Variants in UBR2 observed in about 807,000 individuals in gnomAD.
UBR2 encodes the protein ubiquitin protein ligase E3 component n-recognin 2, also known as E3 ubiquitin-protein ligase UBR2.
UBR2 carries 92 observed loss-of-function variants against 247.9 expected under a neutral mutation model. The observed-to-expected ratio is 0.37, with a 90% CI of 0.31 to 0.44. The LOEUF (loss-of-function observed/expected upper bound fraction) is 0.44. UBR2 is among the 20% of genes least tolerant of loss of function. The pLI is 1.00. For missense variants in UBR2, 1,613 were observed against 2,112.6 expected (o/e 0.76, Z 4.64); for synonymous variants, 672 against 693.5 (o/e 0.97, Z 0.49).
rs377113438 is a variant in UBR2 at position 42,640,449 on chromosome 6, T to TAG, written c.1920+191_1920+192dup. 4.3e-3 allele frequency among the ~76,000 whole-genome samples: 640 copies of TAG among 148,156 alleles called. 3 individuals carry two copies. Among genetic ancestry groups the TAG allele is most frequent in the African/African-American group, 0.013 (531 of 39,904 alleles). ...GTGTGTGTGTGTATAGATACATATA[T>TAG]AGAGAGAGAGAGACAGAGATTTGTT... On this transcript the variant is annotated intron_variant, in intron 16 of 46. Coordinates refer to ENST00000372901, the MANE Select transcript of UBR2 (RefSeq NM_001363705.2).
intron 2 of UBR2, among the ~76,000 whole-genome samples, chr6:42,581,003 ATTTTTT>A (rs58396471): frequency 1.6e-5 from 1 of 62,600 alleles, no homozygotes; most frequent in African/African-American, 7.7e-5. Context: ...TGGTTCTAGA[ATTTTTT>A]TTTTTTTTTT....
chr6:42,658,769 C>T lies in UBR2; in HGVS notation c.3187C>T (p.Leu1063Phe), dbSNP rs1438435160. ...QRHFIDENKE[L>F]FQQTLELDAS... The stretch of plus-strand genomic sequence containing the variant: ...GCATTTTATTGATGAAAACAAAGAA[C>T]TCTTTCAGCAGACATTAGAACTGGA... Residue 1063 changes from leucine (L) to phenylalanine (F), a missense_variant, in exon 29 of 47, where the codon CTC becomes TTC. Transcript: ENST00000372901. The T allele has an allele frequency of 1.2e-6, 2 of 1,609,894 alleles. No individual in the cohort carries two copies. The highest frequency in any genetic ancestry group is 1.7e-6 in the Non-Finnish European group (2 of 1,179,126).
chr6:42,589,359 C>A (rs1792508411), intron 2 of UBR2, among the ~76,000 whole-genome samples: 1 of 152,192 alleles, frequency 6.6e-6, no homozygotes, highest in Non-Finnish European at 1.5e-5. Context: ...GCCTAGCATA[C>A]ATGGGATAAA....
At chr6:42,565,201 A>G (rs1790707815) in intron 1 of UBR2, among the ~76,000 whole-genome samples, 1 of 152,238 alleles carries the variant, frequency 6.6e-6, no homozygotes, top group South Asian at 2.1e-4. Context: ...CTATTGCATT[A>G]AAACTGTAAT....
intron 40 of UBR2, 124 bp downstream of exon 40, chr6:42,676,997 C>T (rs754898850): frequency 7.8e-5 from 59 of 757,558 alleles, no homozygotes; most frequent in Admixed American, 1.1e-4. Context: ...TAAAATAAGA[C>T]GTGGAGTGAT....
At chr6:42,578,142 A>T (rs1329225446) in intron 2 of UBR2, among the ~76,000 whole-genome samples, 1 of 152,180 alleles carries the variant, frequency 6.6e-6, no homozygotes, top group African/African-American at 2.4e-5. Flanking sequence ...AATCCCAAAG[A>T]CTTTATGTAC....
chr6:42,570,834 C>T (rs946100591), intron 1 of UBR2, among the ~76,000 whole-genome samples: 2 of 151,880 alleles, frequency 1.3e-5, no homozygotes, highest in African/African-American at 2.4e-5. Context: ...CAGGCATGCA[C>T]CACCATGCCC....
intron 2 of UBR2, among the ~76,000 whole-genome samples, chr6:42,581,584 A>G (rs1252621354): frequency 6.6e-5 from 10 of 152,280 alleles, no homozygotes; most frequent in South Asian, 2.1e-4. Context: ...CCCTAAGCCT[A>G]CCAAAGTGTT....
chr6:42,651,783 G>A (rs532486930), intron 23 of UBR2, among the ~76,000 whole-genome samples: 4 of 151,452 alleles, frequency 2.6e-5, no homozygotes, highest in Non-Finnish European at 2.9e-5. Flanking sequence ...GAGCTGCCAC[G>A]CCCCGGCCTC....
chr6:42,581,655 G>T (rs550034900), intron 2 of UBR2, among the ~76,000 whole-genome samples: 1 of 152,296 alleles, frequency 6.6e-6, no homozygotes, highest in East Asian at 1.9e-4. Context: ...AAATGAAATT[G>T]TAGTCCTTTT....
At chr6:42,611,564 T>G (rs1299225019) in intron 7 of UBR2, among the ~76,000 whole-genome samples, 1 of 151,960 alleles carries the variant, frequency 6.6e-6, no homozygotes, top group Non-Finnish European at 1.5e-5. Flanking sequence ...CTAAAACATT[T>G]AAATCATTTA....
chr6:42,678,665 T>G lies in UBR2; in HGVS notation c.4605T>G (p.Ile1535Met), dbSNP rs371996907. Residue 1535 changes from isoleucine to methionine, a missense_variant, in exon 41 of 47, where the codon ATT becomes ATG. Physicochemically the swap from Ile to Met is conservative, Grantham distance 10. Around this residue, in one of 3 missense-constraint regions of UBR2, gnomAD observed 1,524 missense variants for 1,967.3 expected, o/e 0.77. Transcript: ENST00000372901. ...ATGGAGTTCCTTCCCCACCCGACAT[T>G]CAAGGTAATTTATACTTTCTTTCAA... The part of the protein sequence containing the change: ...YLNGVPSPPD[I>M]QVPGTSHFEH... The G allele has an allele frequency of 6.2e-7, 1 of 1,610,628 alleles. No individual in the cohort carries two copies. The highest frequency in any genetic ancestry group is 1.3e-5 in the African/African-American group (1 of 74,724).
intron 40 of UBR2, among the ~76,000 whole-genome samples, chr6:42,678,246 G>A (rs1241790266): frequency 6.6e-6 from 1 of 152,218 alleles, no homozygotes; most frequent in Non-Finnish European, 1.5e-5. Flanking sequence ...TGAGGCAGGA[G>A]AATGGCGTGA....
rs774068593 is a variant in UBR2, at chr6:42,691,810, G to A, written c.*637G>A. The A allele has an allele frequency of 2.7e-5, 4 of 148,564 alleles. No individual in the cohort carries two copies. The highest frequency in any genetic ancestry group is 1.0e-4 in the African/African-American group (4 of 40,144). 9.2% of individuals were successfully genotyped at this position (148,564 alleles called of 1,614,324 possible). On this transcript the variant is annotated 3_prime_UTR_variant, in exon 47 of 47. Transcript: ENST00000372901. ...TTTTTTTTTTCTTTTTTTTTTTATGGCAAGACTTTTGGCTTTGAGAAAACT... is the reference window on the plus strand; with the variant it reads ...TTTTTTTTTTCTTTTTTTTTTTATGACAAGACTTTTGGCTTTGAGAAAACT...
At chr6:42,640,109 G>A (rs1240314509) in intron 15 of UBR2, 100 bp from the exon 16 acceptor site, 2 of 905,718 alleles carry the variant, frequency 2.2e-6, no homozygotes, top group East Asian at 5.2e-5. Flanking sequence ...TTCCCAAAGA[G>A]AAAAGAAGTT....
intron 18 of UBR2, among the ~76,000 whole-genome samples, chr6:42,643,367 G>A (rs528097188): frequency 1.1e-4 from 17 of 152,248 alleles, no homozygotes; most frequent in Middle Eastern, 3.4e-3. Flanking sequence ...AGGCTGAGGC[G>A]TGTGGATCAC....
chr6:42,674,018 TTA>T, intron 37 of UBR2, 106 bp from the exon 38 acceptor site: 1 of 1,334,396 alleles, frequency 7.5e-7, no homozygotes. Context: ...AAGCTCTAGC[TTA>T]TAAATTCTCA....
At chr6:42,621,827 C>A (rs1472464236) in intron 11 of UBR2, among the ~76,000 whole-genome samples, 1 of 152,150 alleles carries the variant, frequency 6.6e-6, no homozygotes, top group African/African-American at 2.4e-5. Context: ...AGCTTCCATA[C>A]ACACGAAGAA....
chr6:42,648,290 A>G, intron 22 of UBR2, 120 bp downstream of exon 22: 5 of 802,382 alleles, frequency 6.2e-6, no homozygotes, highest in Non-Finnish European at 1.1e-5. Context: ...ATTGACAGAC[A>G]TTTTCAAATT....
Sources: allele counts gnomAD v4.1 joint callset (sites outside exome capture counted in the v4.1 genomes callset), GRCh38; gene constraint gnomAD v4.1.1; regional missense constraint gnomAD v4.1.1; transcripts MANE v1.5; gene names NCBI Gene and HGNC (gene_info 2026-07-23, HGNC 2026-07-21).